The following FAM13A variants were observed in gnomAD, a reference collection of about 807,000 sequenced individuals.
The protein encoded by FAM13A is family with sequence similarity 13 member A.
In FAM13A, 76 loss-of-function variants were observed where a neutral mutation model predicts 129.6. The ratio of observed to expected loss-of-function variants is 0.59; its 90% CI spans 0.49 to 0.71. The LOEUF is 0.71. Among genes scored for constraint, FAM13A ranks in the 30% least tolerant of loss-of-function variants. FAM13A has a pLI of 0.00. For synonymous variants in FAM13A, 443 were observed against 449.9 expected (o/e 0.98, Z 0.20); for missense variants, 1,108 against 1,249.3 (o/e 0.89, Z 1.70).
At chr4:88,734,403 G>A (rs1277308036) in intron 21 of FAM13A, among the ~76,000 whole-genome samples, 2 of 152,160 alleles carry the variant, frequency 1.3e-5, no homozygotes, top group African/African-American at 4.8e-5. Context: ...AATACAAAGC[G>A]GGTAGGGATA....
intron 6 of FAM13A, among the ~76,000 whole-genome samples, chr4:88,901,235 G>A (rs772614821): frequency 1.3e-5 from 2 of 151,890 alleles, no homozygotes; most frequent in South Asian, 2.1e-4. Flanking sequence ...ACAGATCATC[G>A]AGACAGAAAA....
chr4:88,838,475 T>C (rs373657102), intron 7 of FAM13A, among the ~76,000 whole-genome samples: 8 of 152,274 alleles, frequency 5.3e-5, no homozygotes, highest in African/African-American at 1.7e-4. Flanking sequence ...CGGTGGCTCA[T>C]GCCTGTAATC....
intron 4 of FAM13A, among the ~76,000 whole-genome samples, chr4:88,989,252 T>G (rs1189337884): frequency 6.6e-6 from 1 of 151,958 alleles, no homozygotes; most frequent in Non-Finnish European, 1.5e-5. Flanking sequence ...AAACGACTGA[T>G]CTATTAGGTA....
intron 4 of FAM13A, among the ~76,000 whole-genome samples, chr4:88,984,426 C>A (rs1262044729): frequency 1.3e-5 from 2 of 152,004 alleles, no homozygotes; most frequent in Non-Finnish European, 2.9e-5. Flanking sequence ...AGTATATAAA[C>A]AACTCTTATA....
intron 7 of FAM13A, among the ~76,000 whole-genome samples, chr4:88,807,207 T>C (rs1728730609): frequency 6.6e-6 from 1 of 152,192 alleles, no homozygotes; most frequent in Non-Finnish European, 1.5e-5. Context: ...TTTTGAGAGA[T>C]GATTTAAATG....
intron 3 of FAM13A, among the ~76,000 whole-genome samples, chr4:89,020,137 G>A (rs968662116): frequency 1.4e-4 from 21 of 152,172 alleles, no homozygotes; most frequent in African/African-American, 3.6e-4. Context: ...AATCAGTCTA[G>A]TATGATTTTA....
chr4:88,997,367 T>C (rs550111104), intron 3 of FAM13A, among the ~76,000 whole-genome samples: 1 of 152,346 alleles, frequency 6.6e-6, no homozygotes, highest in South Asian at 2.1e-4. Context: ...ATTCAAGTTT[T>C]CTTGAAAGTT....
intron 23 of FAM13A, 109 bp from the exon 24 acceptor site, chr4:88,728,768 G>C: frequency 1.5e-6 from 2 of 1,318,390 alleles, no homozygotes; most frequent in Admixed American, 1.8e-5. Flanking sequence ...TTATCAACTT[G>C]TAGAATCAGT....
chr4:89,002,175 G>T (rs1764337880), intron 3 of FAM13A, among the ~76,000 whole-genome samples: 1 of 53,250 alleles, frequency 1.9e-5, no homozygotes, highest in Admixed American at 1.6e-4. Context: ...GCACCCAACG[G>T]CAAAAAAAAA....
At chr4:88,751,584 T>A (rs1173116275) in intron 14 of FAM13A, among the ~76,000 whole-genome samples, 1 of 146,914 alleles carries the variant, frequency 6.8e-6, no homozygotes, top group African/African-American at 2.5e-5. Context: ...AAAGGACAAA[T>A]CTGTACAAAT....
At chr4:88,773,701 C>T (rs961885066) in intron 11 of FAM13A, among the ~76,000 whole-genome samples, 1 of 152,138 alleles carries the variant, frequency 6.6e-6, no homozygotes, top group African/African-American at 2.4e-5. Flanking sequence ...GCTTTAAAAA[C>T]CAACTGTGCA....
At chr4:89,008,847 T>C (rs1052582512) in intron 3 of FAM13A, 2 of 152,192 alleles carry the variant, frequency 1.3e-5, no homozygotes, top group Non-Finnish European at 2.9e-5. Context: ...ATCTACAATA[T>C]TGTCCAAACA....
At chr4:89,025,583 G>A (rs6532094) in intron 2 of FAM13A, among the ~76,000 whole-genome samples, 91,314 of 152,056 alleles carry the variant, frequency 0.6, 28,093 homozygotes, top group Middle Eastern at 0.69. Context: ...GTCTGTAAAC[G>A]ACAGAAGACT....
intron 6 of FAM13A, among the ~76,000 whole-genome samples, chr4:88,893,753 G>A (rs1390267197): frequency 1.1e-4 from 16 of 150,952 alleles, no homozygotes; most frequent in African/African-American, 3.9e-4. Context: ...GCGTGAACCC[G>A]GGAGGCGGAG....
intron 11 of FAM13A, among the ~76,000 whole-genome samples, chr4:88,772,433 T>C (rs1720859744): frequency 6.6e-6 from 1 of 152,198 alleles, no homozygotes; most frequent in South Asian, 2.1e-4. Flanking sequence ...ATAAAGTAGC[T>C]AGATGTCCAG....
intron 5 of FAM13A, among the ~76,000 whole-genome samples, chr4:88,933,314 T>C (rs1753343171): frequency 6.6e-6 from 1 of 152,152 alleles, no homozygotes; most frequent in Non-Finnish European, 1.5e-5. Flanking sequence ...ATAACTCTTA[T>C]ACACAAACTG....
chr4:88,815,011 TA>T (rs1485951021), intron 7 of FAM13A, among the ~76,000 whole-genome samples: 1 of 151,918 alleles, frequency 6.6e-6, no homozygotes, highest in Non-Finnish European at 1.5e-5. Context: ...AGATAATTTT[TA>T]AAAAAAATTT....
chr4:88,770,347 G>C (rs555098136), intron 11 of FAM13A, among the ~76,000 whole-genome samples: 6 of 152,306 alleles, frequency 3.9e-5, no homozygotes, highest in African/African-American at 1.4e-4. Flanking sequence ...AGACTCTTTA[G>C]TGTAAGATCT....
intron 4 of FAM13A, among the ~76,000 whole-genome samples, chr4:88,960,559 CACA>C (rs1758448072): frequency 6.6e-6 from 1 of 152,106 alleles, no homozygotes; most frequent in Non-Finnish European, 1.5e-5. Flanking sequence ...ATTTTTCCGC[CACA>C]ACAACAAAAC....
Sources: gnomAD v4.1 joint callset for allele counts (sites outside exome capture counted in the v4.1 genomes callset) on GRCh38, gnomAD v4.1.1 for gene constraint, MANE v1.5 for transcripts, NCBI Gene and HGNC (gene_info 2026-07-23, HGNC 2026-07-21) for gene names.